PDXK: variants seen among roughly 807,000 people sequenced by gnomAD.
PDXK encodes the protein epididymis secretory sperm binding protein Li 1a.
PDXK carries 15 observed loss-of-function variants against 43.2 expected under a neutral mutation model. The observed-to-expected ratio is 0.35, with a 90% CI of 0.23 to 0.53. The LOEUF is 0.53. Among genes scored for constraint, PDXK ranks in the 20% least tolerant of loss-of-function variants. The pLI, the probability that PDXK is intolerant of heterozygous loss-of-function variation, is 0.92. For missense variants in PDXK, 343 were observed against 417.0 expected (o/e 0.82, Z 1.54); for synonymous variants, 172 against 165.4 (o/e 1.04, Z -0.31).
At chr21:43,750,601 GGGAGAC>G (rs1328942287) in intron 7 of PDXK, 56 bp downstream of exon 7, 53 of 1,419,316 alleles carry the variant, frequency 3.7e-5, no homozygotes, top group Non-Finnish European at 4.6e-5. Context: ...CGGTGGGGAC[GGGAGAC>G]AGGCTGCCTG....
intron 1 of PDXK, among the ~76,000 whole-genome samples, chr21:43,726,770 ATGTG>A (rs910277778): frequency 2.6e-5 from 4 of 151,504 alleles, no homozygotes; most frequent in African/African-American, 7.3e-5. Context: ...ACATCGGTGC[ATGTG>A]TGTGTGTGTA....
At position 43,732,549 on chromosome 21, in the gene PDXK, A is replaced by T. The variant is rs767560152; in HGVS notation, c.88-1520A>T. On this transcript the variant is annotated intron_variant, in intron 1 of 10. Coordinates refer to ENST00000291565, the MANE Select transcript of PDXK (RefSeq NM_003681.5). The surrounding 1 kb of genome is among the most constrained non-coding windows in gnomAD (Gnocchi z 4.1). ...CGGATACGTTTGCCAGCCCCAAAGG[A>T]TTAATTATCTACACACCCAGAAGCA... 1.5e-5 allele frequency: 15 copies of T among 1,023,552 alleles called. No individual in the cohort carries two copies. The highest frequency in any genetic ancestry group is 2.3e-5 in the Non-Finnish European group (15 of 641,342). 63.4% of individuals were successfully genotyped at this position (1,023,552 alleles called of 1,614,324 possible). A position where few individuals can be genotyped will look rare whatever the true frequency, so the allele number is the denominator to read the frequency against.
chr21:43,739,991 A>C (rs1286998301), intron 2 of PDXK, among the ~76,000 whole-genome samples: 3 of 151,398 alleles, frequency 2.0e-5, no homozygotes, highest in Non-Finnish European at 4.4e-5. Flanking sequence ...CCTCGCCCGC[A>C]GTGGATACCA....
At chr21:43,740,671 C>T (rs2083483079) in intron 2 of PDXK, among the ~76,000 whole-genome samples, 1 of 151,910 alleles carries the variant, frequency 6.6e-6, no homozygotes, top group African/African-American at 2.4e-5. Flanking sequence ...CGTCTGTCCT[C>T]ACACATTGAT....
Position 43,734,263 on chromosome 21 carries a change from C to T in PDXK, c.142+140C>T, listed in dbSNP as rs2299806. The T allele has an allele frequency of 0.2, 150,997 of 773,842 alleles. 17,622 individuals carry two copies. The highest frequency in any genetic ancestry group is 0.39 in the East Asian group (14,872 of 37,932). The allele number at this position is 773,842 out of a possible 1,614,324, so 47.9% of individuals were successfully genotyped here. Reference sequence around the variant, plus strand: ...GTGGACGGGGACCTGGAGTCCTGGGCGTCGCTCGGGCAGAGCCTGCACAGC... The same window carrying T: ...GTGGACGGGGACCTGGAGTCCTGGGTGTCGCTCGGGCAGAGCCTGCACAGC... On this transcript the variant is annotated intron_variant, in intron 2 of 10. Coordinates refer to ENST00000291565, the MANE Select transcript of PDXK (RefSeq NM_003681.5). The surrounding 1 kb of genome is among the most constrained non-coding windows in gnomAD (Gnocchi z 5.0).
chr21:43,757,786 C>T lies in PDXK; in HGVS notation c.*1723C>T, dbSNP rs2083875738. ...TGCAGCCCAGAGCCACTGGTCCCTA[C>T]AGGGCGCCGCCACACCAGCAGGAAG... is the stretch of plus-strand genomic sequence containing the variant. On this transcript the variant is annotated 3_prime_UTR_variant, in exon 11 of 11. Coordinates refer to ENST00000291565, the MANE Select transcript of PDXK (RefSeq NM_003681.5). 1 of 152,228 alleles carries T rather than the reference C, an allele frequency of 6.6e-6. No homozygotes were observed. The highest frequency in any genetic ancestry group is 6.5e-5 in the Admixed American group (1 of 15,280). The allele number at this position is 152,228 out of a possible 1,614,324, so 9.4% of individuals were successfully genotyped here.
intron 1 of PDXK, among the ~76,000 whole-genome samples, chr21:43,727,026 A>C (rs1450108691): frequency 6.6e-6 from 1 of 152,090 alleles, no homozygotes; most frequent in Non-Finnish European, 1.5e-5. Context: ...TGCAGGCCCC[A>C]GTGTTGGCCG....
Position 43,737,043 on chromosome 21 carries a change from C to T in PDXK, c.142+2920C>T. The T allele has an allele frequency of 1.4e-6, 1 of 725,448 alleles. No individual in the cohort carries two copies. The highest frequency in any genetic ancestry group is 1.5e-5 in the South Asian group (1 of 68,056). The allele number at this position is 725,448 out of a possible 1,614,324, so 44.9% of individuals were successfully genotyped here. A position where few individuals can be genotyped will look rare whatever the true frequency, so the allele number is the denominator to read the frequency against. On this transcript the variant is annotated intron_variant, in intron 2 of 10. Coordinates refer to ENST00000291565, the MANE Select transcript of PDXK (RefSeq NM_003681.5). The surrounding 1 kb of genome is among the most constrained non-coding windows in gnomAD (Gnocchi z 4.8). ...GACCTCCTGGGCTGAAGCAATCTTT[C>T]TGCCTCCACCTCCCGAGTGGCTGGG... is the stretch of plus-strand genomic sequence containing the variant.
intron 1 of PDXK, among the ~76,000 whole-genome samples, chr21:43,724,277 T>G (rs1484480147): frequency 6.6e-6 from 1 of 152,184 alleles, no homozygotes; most frequent in Non-Finnish European, 1.5e-5. Flanking sequence ...GGGGGCTCCC[T>G]GCCCTGGAAC....
rs972704454 is a variant in PDXK at position 43,761,649 on chromosome 21, C to G, written c.*5586C>G. Reference sequence around the variant, plus strand: ...GCTGGGTCAGCGGCTCTGAAGCCCTCGAGTGACTTTCTAACCCAAGACCCA... The same window carrying G: ...GCTGGGTCAGCGGCTCTGAAGCCCTGGAGTGACTTTCTAACCCAAGACCCA... On this transcript the variant is annotated 3_prime_UTR_variant, in exon 11 of 11. Transcript: ENST00000291565. 6.6e-6 allele frequency: 1 copy of G among 152,078 alleles called. No individual in the cohort carries two copies. Among genetic ancestry groups the G allele is most frequent in the African/African-American group, 2.4e-5 (1 of 41,386 alleles). The allele number at this position is 152,078 out of a possible 1,614,324, so 9.4% of individuals were successfully genotyped here. A position where few individuals can be genotyped will look rare whatever the true frequency, so the allele number is the denominator to read the frequency against.
chr21:43,727,806 A>G (rs1165978845), intron 1 of PDXK, among the ~76,000 whole-genome samples: 3 of 152,156 alleles, frequency 2.0e-5, no homozygotes, highest in Admixed American at 6.5e-5. Context: ...GAGCTAGAAT[A>G]AGGTGGCATT....
chr21:43,755,856 G>T, intron 10 of PDXK, 92 bp downstream of exon 10: 1 of 1,452,818 alleles, frequency 6.9e-7, no homozygotes, highest in Non-Finnish European at 9.7e-7. Context: ...TTGAAGGTGT[G>T]ATCGGTGTCT....
chr21:43,761,741 G>C lies in PDXK; in HGVS notation c.*5678G>C, dbSNP rs1454424007. 1 of 152,164 alleles carries C rather than the reference G, an allele frequency of 6.6e-6. No homozygotes were observed. The highest frequency in any genetic ancestry group is 2.4e-5 in the African/African-American group (1 of 41,436). The allele number at this position is 152,164 out of a possible 1,614,324, so 9.4% of individuals were successfully genotyped here. ...AAAAGAGGCCTCAGCAGGCCTGGAA[G>C]ACCCTTCCAGTACATCCCACAGCGT... On this transcript the variant is annotated 3_prime_UTR_variant, in exon 11 of 11. Coordinates refer to ENST00000291565, the MANE Select transcript of PDXK (RefSeq NM_003681.5).
rs1036094589 is a variant in PDXK, at chr21:43,734,511, G to A, written c.142+388G>A. Among the ~76,000 whole-genome samples the A allele has an allele frequency of 6.6e-6, 1 of 152,224 alleles. No individual in the cohort carries two copies. Among genetic ancestry groups the A allele is most frequent in the Non-Finnish European group, 1.5e-5 (1 of 68,038 alleles). ...CTTGGACCAATGCCTGGCTCAGAGC[G>A]CAGCCGTGTGACTCCTGCTGTCCAC... On this transcript the variant is annotated intron_variant, in intron 2 of 10. Transcript: ENST00000291565. The surrounding 1 kb of genome is among the most constrained non-coding windows in gnomAD (Gnocchi z 5.0).
At chr21:43,744,054 C>T (rs889486410) in intron 4 of PDXK, among the ~76,000 whole-genome samples, 4 of 152,232 alleles carry the variant, frequency 2.6e-5, no homozygotes, top group African/African-American at 9.6e-5. Context: ...GAAGGGGTGT[C>T]AGTGTGCTCG....
At chr21:43,750,970 G>GCA (rs978957458) in intron 7 of PDXK, among the ~76,000 whole-genome samples, 4 of 152,168 alleles carry the variant, frequency 2.6e-5, no homozygotes, top group African/African-American at 9.6e-5. Flanking sequence ...GCATGTGTGT[G>GCA]TGTGTGTGTG....
At chr21:43,724,567 T>C (rs2083234939) in intron 1 of PDXK, among the ~76,000 whole-genome samples, 1 of 151,494 alleles carries the variant, frequency 6.6e-6, no homozygotes. Flanking sequence ...CAAGCCCAGG[T>C]GCGGTGGCTC....
Position 43,753,612 on chromosome 21 carries a change from C to G in PDXK, c.652C>G (p.Arg218Gly). ...TCCCGCTGGCTCCGTGGTGATGGAA[C>G]GCATCCGGATGGACATTCGCAAAGT... ...RNPAGSVVME[R>G]IRMDIRKVDA... The change falls in exon 9 of 11, where the codon CGC becomes GGC. Residue 218 changes from arginine (R) to glycine (G), a missense_variant. Arg to Gly is a moderately radical substitution (Grantham distance 125). Transcript: ENST00000291565. 1.2e-6 allele frequency: 2 copies of G among 1,613,194 alleles called. No individual in the cohort carries two copies. The highest frequency in any genetic ancestry group is 8.5e-7 in the Non-Finnish European group (1 of 1,179,436).
chr21:43,721,723 G>C (rs2083207642), intron 1 of PDXK: 1 of 152,292 alleles, frequency 6.6e-6, no homozygotes, highest in South Asian at 2.1e-4. Context: ...TTGCCAGGGA[G>C]CTCCCACTGA....
Sources: gnomAD v4.1 joint callset for allele counts (sites outside exome capture counted in the v4.1 genomes callset) on GRCh38, gnomAD v4.1.1 for gene constraint, Gnocchi (gnomAD v3.1) non-coding constraint, MANE v1.5 for transcripts, NCBI Gene and HGNC (gene_info 2026-07-23, HGNC 2026-07-21) for gene names.